The following WDR86 variants were observed in gnomAD, a reference collection of about 807,000 sequenced individuals.
WDR86 encodes WD repeat domain 86, also known as WD repeat-containing protein 86.
WDR86 carries 30 observed loss-of-function variants against 36.5 expected under a neutral mutation model. That is an observed-to-expected ratio of 0.82 (90% CI 0.61 to 1.11). The LOEUF (loss-of-function observed/expected upper bound fraction) is 1.11, where lower values mean the gene tolerates loss of function less well. Ranked by LOEUF, WDR86 falls within the 50% of genes most tolerant of loss-of-function variation. WDR86 has a pLI of 0.00. For missense variants in WDR86, 545 were observed against 561.2 expected (o/e 0.97, Z 0.29); for synonymous variants, 255 against 252.9 (o/e 1.01, Z -0.08).
chr7:151,390,791 G>A lies in WDR86; in HGVS notation c.726+4985C>T, dbSNP rs946176734. Reference sequence around the variant, plus strand: ...TATGCTCATGAAATAAGCCAGACAGGAAAGGACAGATCCTGCACGACTCCA... The same window carrying A: ...TATGCTCATGAAATAAGCCAGACAGAAAAGGACAGATCCTGCACGACTCCA... On this transcript the variant is annotated intron_variant, in intron 3 of 5. Coordinates refer to ENST00000334493, the MANE Select transcript of WDR86 (RefSeq NM_198285.3). This position sits in a 1 kb window ranked among gnomAD's most constrained non-coding sequence, Gnocchi z 4.5. Among the ~76,000 whole-genome samples the A allele has an allele frequency of 6.6e-6, 1 of 152,212 alleles. No individual in the cohort carries two copies. The highest frequency in any genetic ancestry group is 1.9e-4 in the East Asian group (1 of 5,196).
rs1309629370 is a variant in WDR86, at chr7:151,409,540, C to A, written c.50G>T (p.Gly17Val). Residue 17 changes from glycine to valine, a missense_variant, in exon 1 of 6, where the codon GGC (glycine) becomes GTC (valine). Gly to Val is a moderately radical substitution (Grantham distance 109). Coordinates refer to ENST00000334493, the MANE Select transcript of WDR86 (RefSeq NM_198285.3). This position sits in a 1 kb window ranked among gnomAD's most constrained non-coding sequence, Gnocchi z 5.2. ...ALRVCADHRG[G>V]INWLSLSPDG... ...GGGGCTCAGGCTCAGCCAGTTGATG[C>A]CCCCGCGGTGGTCGGCGCAGACCCT... The A allele has an allele frequency of 6.6e-7, 1 of 1,520,936 alleles. No individual in the cohort carries two copies. The highest frequency in any genetic ancestry group is 8.8e-7 in the Non-Finnish European group (1 of 1,139,510). The allele number at this position is 1,520,936 out of a possible 1,614,324, so 94.2% of individuals were successfully genotyped here. A position where few individuals can be genotyped will look rare whatever the true frequency, so the allele number is the denominator to read the frequency against.
At position 151,406,209 on chromosome 7, in the gene WDR86, C is replaced by G. The variant is rs1452305181; in HGVS notation, c.163+3218G>C. On this transcript the variant is annotated intron_variant, in intron 1 of 5. Transcript: ENST00000334493. This position sits in a 1 kb window ranked among gnomAD's most constrained non-coding sequence, Gnocchi z 4.4. ...CCCCACACGCCGGTTCTGCAGCCCA[C>G]TCTCCCTGGGGCCTCCGGGAGCAGC... Among the ~76,000 whole-genome samples the G allele has an allele frequency of 6.6e-6, 1 of 152,220 alleles. No individual in the cohort carries two copies. The highest frequency in any genetic ancestry group is 1.5e-5 in the Non-Finnish European group (1 of 68,046).
downstream of WDR86, chr7:151,374,139 C>A: frequency 6.4e-7 from 1 of 1,572,292 alleles, no homozygotes; most frequent in Non-Finnish European, 8.6e-7. Flanking sequence ...GAAGAAAAGA[C>A]GCCGCCTCGA....
chr7:151,376,580 G>A (rs947041697), downstream of WDR86: 12 of 1,507,152 alleles, frequency 8.0e-6, no homozygotes, highest in Non-Finnish European at 1.1e-5. Context: ...GGCTGACGGG[G>A]GTGGCAGAAG....
chr7:151,381,264 G>C lies in WDR86; in HGVS notation c.*318C>G. The C allele has an allele frequency of 1.5e-6, 2 of 1,314,304 alleles. No individual in the cohort carries two copies. Among genetic ancestry groups the C allele is most frequent in the Non-Finnish European group, 1.9e-6 (2 of 1,036,422 alleles). 81.4% of individuals were successfully genotyped at this position (1,314,304 alleles called of 1,614,324 possible). ...GGCCCAGTTTCGTGGGGCTGGGGGA[G>C]CTGGGGCAGTCCGCCTGCAGCCCCT... On this transcript the variant is annotated 3_prime_UTR_variant, in exon 6 of 6. Transcript: ENST00000334493. This position sits in a 1 kb window ranked among gnomAD's most constrained non-coding sequence, Gnocchi z 4.8.
At position 151,381,395 on chromosome 7, in the gene WDR86, C is replaced by T; in HGVS notation, c.*187G>A. The T allele has an allele frequency of 6.8e-7, 1 of 1,474,824 alleles. No homozygotes were observed. Among genetic ancestry groups the T allele is most frequent in the Non-Finnish European group, 8.9e-7 (1 of 1,121,808 alleles). The allele number at this position is 1,474,824 out of a possible 1,614,324, so 91.4% of individuals were successfully genotyped here. ...AAGGGGGCGGTCCCCAGGGCGAGCA[C>T]TCCCGCTCCCAGCGCCTCCTGGCCA... On this transcript the variant is annotated 3_prime_UTR_variant, in exon 6 of 6. Coordinates refer to ENST00000334493, the MANE Select transcript of WDR86 (RefSeq NM_198285.3). This position sits in a 1 kb window ranked among gnomAD's most constrained non-coding sequence, Gnocchi z 4.8.
rs569867462 is a variant in WDR86, at chr7:151,392,680, G to A, written c.726+3096C>T. 1.1e-3 allele frequency among the ~76,000 whole-genome samples: 174 copies of A among 152,264 alleles called. 1 individual carries two copies. The highest frequency in any genetic ancestry group is 2.2e-3 in the Non-Finnish European group (149 of 68,000). On this transcript the variant is annotated intron_variant, in intron 3 of 5. Coordinates refer to ENST00000334493, the MANE Select transcript of WDR86 (RefSeq NM_198285.3). ...AGCTGAGGCTCCGGGGCCACCGGCC[G>A]CCCAGGGACCTCCCAGGCCTGTCAC...
downstream of WDR86, among the ~76,000 whole-genome samples, chr7:151,380,115 T>G (rs1214781714): frequency 1.3e-5 from 2 of 152,168 alleles, no homozygotes; most frequent in African/African-American, 2.4e-5. Flanking sequence ...CATGGTGCCG[T>G]TTCTGCGGGT....
chr7:151,376,610 T>C, downstream of WDR86: 2 of 1,580,918 alleles, frequency 1.3e-6, no homozygotes, highest in Non-Finnish European at 8.6e-7. Flanking sequence ...GGGCTGATGC[T>C]GTGACCCCTG....
At chr7:151,387,655 GC>G (rs1799088734) in intron 3 of WDR86, among the ~76,000 whole-genome samples, 1 of 152,116 alleles carries the variant, frequency 6.6e-6, no homozygotes, top group African/African-American at 2.4e-5. Context: ...GGGCACAGAT[GC>G]GGGCCTCCAC....
chr7:151,410,118 C>G (rs1801108000), upstream of WDR86: 8 of 977,074 alleles, frequency 8.2e-6, no homozygotes, highest in Non-Finnish European at 9.7e-6. Context: ...CCCCACCCCG[C>G]GCGCCTGCAG....
At position 151,409,713 on chromosome 7, in the gene WDR86, C is replaced by G. The variant is rs1801059344; in HGVS notation, c.-124G>C. The G allele has an allele frequency of 1.5e-6, 2 of 1,294,646 alleles. No individual in the cohort carries two copies. The highest frequency in any genetic ancestry group is 3.2e-5 in the East Asian group (1 of 31,546). 80.2% of individuals were successfully genotyped at this position (1,294,646 alleles called of 1,614,324 possible). A position where few individuals can be genotyped will look rare whatever the true frequency, so the allele number is the denominator to read the frequency against. On this transcript the variant is annotated 5_prime_UTR_variant, in exon 1 of 6. Transcript: ENST00000334493. The surrounding 1 kb of genome is among the most constrained non-coding windows in gnomAD (Gnocchi z 5.2). ...ATCGCGGGGAACGGGGAGCCCGACT[C>G]CTGCGGAGGCACGCGGCGAGGGGAG...
At chr7:151,375,735 C>A, downstream of WDR86, 1 of 706,720 alleles carries the variant, frequency 1.4e-6, no homozygotes, top group Non-Finnish European at 2.6e-6. Context: ...CTTTCTCTGC[C>A]TCATAGCAGC....
downstream of WDR86, among the ~76,000 whole-genome samples, chr7:151,380,800 A>G (rs1216848481): frequency 2.2e-5 from 1 of 44,722 alleles, no homozygotes; most frequent in Non-Finnish European, 4.6e-5. Flanking sequence ...CCCTCCTTCC[A>G]CTCCAGGCCC....
At chr7:151,386,836 T>C (rs1563047752) in intron 3 of WDR86, among the ~76,000 whole-genome samples, 1 of 152,158 alleles carries the variant, frequency 6.6e-6, no homozygotes, top group Non-Finnish European at 1.5e-5. Flanking sequence ...TCCACACACC[T>C]GTGTCCACAC....
chr7:151,374,562 G>GA (rs1480447258), downstream of WDR86: 5 of 418,190 alleles, frequency 1.2e-5, no homozygotes, highest in Admixed American at 3.9e-5. Context: ...TTCCACGGCA[G>GA]AAAAAAGAGA....
At position 151,397,733 on chromosome 7, in the gene WDR86, G is replaced by A. The variant is rs796511893; in HGVS notation, c.306-1537C>T. Among the ~76,000 whole-genome samples the A allele has an allele frequency of 1.8e-3, 137 of 78,118 alleles. 2 individuals carry two copies. Among genetic ancestry groups the A allele is most frequent in the East Asian group, 6.4e-3 (9 of 1,398 alleles). 51.2% of individuals were successfully genotyped at this position (78,118 alleles called of 152,430 possible). A position where few individuals can be genotyped will look rare whatever the true frequency, so the allele number is the denominator to read the frequency against. On this transcript the variant is annotated intron_variant, in intron 2 of 5. Coordinates refer to ENST00000334493, the MANE Select transcript of WDR86 (RefSeq NM_198285.3). Reference sequence around the variant, plus strand: ...AAGGGCATAGCGGGAGGAAGAGGGTGTAGCGGGAGGAAGAGGGTGTAGCGG... The same window carrying A: ...AAGGGCATAGCGGGAGGAAGAGGGTATAGCGGGAGGAAGAGGGTGTAGCGG...
At chr7:151,377,867 G>C (rs1439463687), downstream of WDR86, 1 of 152,218 alleles carries the variant, frequency 6.6e-6, no homozygotes, top group Non-Finnish European at 1.5e-5. Context: ...CGAAATTCAA[G>C]ATTGAGTGTC....
chr7:151,380,548 G>A (rs2150736025), downstream of WDR86, among the ~76,000 whole-genome samples: 1 of 152,250 alleles, frequency 6.6e-6, no homozygotes. Flanking sequence ...CGGGGCACAT[G>A]GATGCAGAAA....
Sources: gnomAD v4.1 joint callset for allele counts (sites outside exome capture counted in the v4.1 genomes callset) on GRCh38, gnomAD v4.1.1 for gene constraint, Gnocchi (gnomAD v3.1) non-coding constraint, MANE v1.5 for transcripts, NCBI Gene and HGNC (gene_info 2026-07-23, HGNC 2026-07-21) for gene names.